The following LIFR variants were observed in gnomAD, a reference collection of about 807,000 sequenced individuals.
LIFR encodes LIF receptor subunit alpha.
A neutral mutation model predicts 122.2 loss-of-function variants in LIFR; 84 were observed. The ratio of observed to expected loss-of-function variants is 0.69; its 90% CI spans 0.58 to 0.82. The LOEUF is 0.82. LIFR is among the 40% of genes least tolerant of loss of function. The probability of loss-of-function intolerance (pLI) is 0.00; values close to 1 mark genes in which losing one functional copy is unlikely to be tolerated. For synonymous variants in LIFR, 422 were observed against 434.7 expected, an observed-to-expected ratio of 0.97 and a Z score of 0.36; for missense variants, 1,294 against 1,311.6, an observed-to-expected ratio of 0.99 and a Z score of 0.21.
intron 2 of LIFR, among the ~76,000 whole-genome samples, chr5:38,602,472 A>C (rs1580254642): frequency 6.7e-6 from 1 of 149,096 alleles, no homozygotes; most frequent in Admixed American, 6.7e-5. Context: ...TCCCTCCATC[A>C]TCTTCTCTTT....
chr5:38,485,690 A>G (rs1357643971), intron 17 of LIFR, 129 bp downstream of exon 17: 2 of 998,946 alleles, frequency 2.0e-6, no homozygotes, highest in East Asian at 2.5e-5. Flanking sequence ...TCCCTCTACC[A>G]GCCAAAAACT....
At chr5:38,600,151 A>G (rs554936995), upstream of LIFR, among the ~76,000 whole-genome samples, 141 of 152,230 alleles carry the variant, frequency 9.3e-4, no homozygotes, top group African/African-American at 3.2e-3. Context: ...CTTCTAATCT[A>G]CCTATGACCT....
chr5:38,512,706 T>G (rs1745866439), intron 5 of LIFR, among the ~76,000 whole-genome samples: 2 of 152,060 alleles, frequency 1.3e-5, no homozygotes, highest in Admixed American at 6.5e-5. Flanking sequence ...AGTGAGCATT[T>G]CCTTTGAGCA....
chr5:38,499,841 C>T lies in LIFR; in HGVS notation c.1601-258G>A, dbSNP rs141629857. Among the ~76,000 whole-genome samples, 157 of 152,254 alleles carry T rather than the reference C, an allele frequency of 1.0e-3. 1 individual carries two copies. The highest frequency in any genetic ancestry group is 3.5e-3 in the African/African-American group (147 of 41,536). On this transcript the variant is annotated intron_variant, in intron 11 of 19. Transcript: ENST00000453190. The stretch of plus-strand genomic sequence containing the variant: ...GGTTCCCCTCTGCCTCACATCCTCT[C>T]ACTCCCTCCTTTCTTGGCCACACAC...
upstream of LIFR, among the ~76,000 whole-genome samples, chr5:38,600,009 C>T (rs910997750): frequency 5.3e-5 from 8 of 152,228 alleles, no homozygotes; most frequent in Non-Finnish European, 7.3e-5. Context: ...TCTATTCTCT[C>T]TGAAGCTTGC....
chr5:38,495,579 G>T (rs575304246), intron 13 of LIFR, among the ~76,000 whole-genome samples: 1 of 152,262 alleles, frequency 6.6e-6, no homozygotes, highest in South Asian at 2.1e-4. Context: ...CCTCAAACTG[G>T]AGTTGGAAAG....
intron 1 of LIFR, among the ~76,000 whole-genome samples, chr5:38,588,469 C>T (rs1377404445): frequency 1.3e-5 from 2 of 152,164 alleles, no homozygotes; most frequent in Non-Finnish European, 2.9e-5. Flanking sequence ...TAAAAATCCT[C>T]ACAGAAGTCA....
At chr5:38,580,179 C>G (rs1749535430) in intron 1 of LIFR, among the ~76,000 whole-genome samples, 1 of 152,168 alleles carries the variant, frequency 6.6e-6, no homozygotes, top group Non-Finnish European at 1.5e-5. Flanking sequence ...TTCTCCACCT[C>G]CACCCAAATG....
At chr5:38,582,929 C>G (rs1749634892) in intron 1 of LIFR, among the ~76,000 whole-genome samples, 1 of 152,240 alleles carries the variant, frequency 6.6e-6, no homozygotes, top group Non-Finnish European at 1.5e-5. Context: ...CCTATCTTCA[C>G]CGTCCTCCAA....
intron 4 of LIFR, among the ~76,000 whole-genome samples, chr5:38,524,934 A>C (rs1746598156): frequency 6.6e-6 from 1 of 152,212 alleles, no homozygotes; most frequent in Admixed American, 6.5e-5. Flanking sequence ...CAAATAAAAC[A>C]GTTTATAGAG....
At chr5:38,543,363 T>C (rs952773746) in intron 1 of LIFR, among the ~76,000 whole-genome samples, 2 of 152,202 alleles carry the variant, frequency 1.3e-5, no homozygotes, top group Non-Finnish European at 2.9e-5. Context: ...TTATCCAAAG[T>C]ATTGTGGCTC....
At chr5:38,505,504 T>A (rs1161783773) in intron 9 of LIFR, among the ~76,000 whole-genome samples, 1 of 151,892 alleles carries the variant, frequency 6.6e-6, no homozygotes, top group Non-Finnish European at 1.5e-5. Context: ...TAACAGTGTT[T>A]TAAGAGTGTC....
chr5:38,490,043 G>T (rs540449787), intron 15 of LIFR, 147 bp downstream of exon 15: 17 of 240,934 alleles, frequency 7.1e-5, no homozygotes, highest in South Asian at 1.8e-4. Flanking sequence ...GAAAAAAGTA[G>T]TAATCAAATA....
Position 38,527,144 on chromosome 5 carries a change from CA to C in LIFR, c.397+10del. Reference sequence around the variant, plus strand: ...CTTACTTTAAAATTGAGTTTGTTTTCAAATACTTACAAACGTTTTGTTCATT... The same window carrying C: ...CTTACTTTAAAATTGAGTTTGTTTTCAATACTTACAAACGTTTTGTTCATT... On this transcript the variant is annotated intron_variant, in intron 4 of 19. Transcript: ENST00000453190. 6.3e-7 allele frequency: 1 copy of C among 1,582,552 alleles called. No individual in the cohort carries two copies. Among genetic ancestry groups the C allele is most frequent in the Non-Finnish European group, 8.6e-7 (1 of 1,156,910 alleles).
intron 1 of LIFR, among the ~76,000 whole-genome samples, chr5:38,566,258 A>G (rs1315429115): frequency 6.6e-6 from 1 of 152,238 alleles, no homozygotes; most frequent in Non-Finnish European, 1.5e-5. Context: ...TATTCAGCCT[A>G]AAAGATATAG....
At chr5:38,551,033 A>G (rs1358328902) in intron 1 of LIFR, among the ~76,000 whole-genome samples, 1 of 152,202 alleles carries the variant, frequency 6.6e-6, no homozygotes, top group Non-Finnish European at 1.5e-5. Context: ...CCAAAAGAAC[A>G]ATTTTACATT....
chr5:38,576,616 T>C (rs1749395783), intron 1 of LIFR, among the ~76,000 whole-genome samples: 1 of 152,184 alleles, frequency 6.6e-6, no homozygotes, highest in African/African-American at 2.4e-5. Flanking sequence ...CAACTACAAA[T>C]GCCAAGAGTG....
At chr5:38,596,596 G>A (rs183398300), upstream of LIFR, among the ~76,000 whole-genome samples, 88 of 152,156 alleles carry the variant, frequency 5.8e-4, no homozygotes, top group Admixed American at 9.8e-4. Context: ...TACCTGGCTC[G>A]GACAGTGTAA....
At chr5:38,591,291 G>T (rs573242287) in intron 1 of LIFR, among the ~76,000 whole-genome samples, 2 of 152,282 alleles carry the variant, frequency 1.3e-5, no homozygotes, top group Non-Finnish European at 2.9e-5. Flanking sequence ...AAATCATTTC[G>T]CTTAGAAGCC....
Sources: gnomAD v4.1 joint callset for allele counts (sites outside exome capture counted in the v4.1 genomes callset) on GRCh38, gnomAD v4.1.1 for gene constraint, MANE v1.5 for transcripts, NCBI Gene and HGNC (gene_info 2026-07-23, HGNC 2026-07-21) for gene names.